ARHGAP32: variants seen among roughly 807,000 people sequenced by gnomAD.
The protein encoded by ARHGAP32 is Rho GTPase activating protein 32, also known as rho GTPase-activating protein 32.
In ARHGAP32, 51 loss-of-function variants were observed where a neutral mutation model predicts 186.5. The observed-to-expected ratio is 0.27, with a 90% CI of 0.22 to 0.35. The LOEUF (loss-of-function observed/expected upper bound fraction) is 0.35, where lower values mean the gene tolerates loss of function less well. Ranked by LOEUF, ARHGAP32 falls within the 10% of genes least tolerant of loss-of-function variation. The pLI is 1.00. For missense variants in ARHGAP32, 2,186 were observed against 2,623.5 expected, an observed-to-expected ratio of 0.83 and a Z score of 3.64; for synonymous variants, 950 against 964.3, an observed-to-expected ratio of 0.99 and a Z score of 0.27.
chr11:129,094,746 C>T (rs1309473490), intron 5 of ARHGAP32, among the ~76,000 whole-genome samples: 1 of 152,180 alleles, frequency 6.6e-6, no homozygotes, highest in African/African-American at 2.4e-5. Context: ...TTATGTTACA[C>T]ACCTGCCCCA....
intron 10 of ARHGAP32, among the ~76,000 whole-genome samples, chr11:129,041,880 C>T (rs2135027025): frequency 6.6e-6 from 1 of 152,326 alleles, no homozygotes; most frequent in South Asian, 2.1e-4. Context: ...TGCCATGCAG[C>T]AGATGTTAAA....
At chr11:129,137,679 T>TA (rs1228962557) in intron 2 of ARHGAP32, among the ~76,000 whole-genome samples, 1 of 152,008 alleles carries the variant, frequency 6.6e-6, no homozygotes, top group Non-Finnish European at 1.5e-5. Context: ...GATACAAATA[T>TA]AAAATCGAAG....
chr11:129,143,522 C>T (rs778009621), intron 2 of ARHGAP32, among the ~76,000 whole-genome samples: 3 of 152,124 alleles, frequency 2.0e-5, no homozygotes, highest in Middle Eastern at 3.2e-3. Flanking sequence ...GTGGACTACC[C>T]GCCGGTGACT....
chr11:129,052,622 T>C (rs1403440400), intron 10 of ARHGAP32, among the ~76,000 whole-genome samples: 2 of 151,992 alleles, frequency 1.3e-5, no homozygotes, highest in East Asian at 3.8e-4. Flanking sequence ...TTTTTTCAGA[T>C]ACAGTCCTAA....
chr11:129,262,101 T>G (rs538705182), intron 1 of ARHGAP32, among the ~76,000 whole-genome samples: 1 of 152,142 alleles, frequency 6.6e-6, no homozygotes, highest in Admixed American at 6.5e-5. Context: ...TATTTACTTA[T>G]GAAAGAATAA....
intron 1 of ARHGAP32, among the ~76,000 whole-genome samples, chr11:129,191,094 G>A (rs960672790): frequency 9.9e-5 from 15 of 152,066 alleles, no homozygotes; most frequent in African/African-American, 3.4e-4. Context: ...AATAAAATTT[G>A]TGGATAAAGA....
In ARHGAP32 at chr11:128,980,753, A is replaced by C; in HGVS notation, c.1781-5T>G. 6.3e-7 allele frequency: 1 copy of C among 1,595,246 alleles called. No homozygotes were observed. The highest frequency in any genetic ancestry group is 1.1e-5 in the South Asian group (1 of 87,678). On this transcript the variant is annotated splice_polypyrimidine_tract_variant and splice_region_variant and intron_variant, in intron 17 of 22. Coordinates refer to ENST00000682385, the MANE Select transcript of ARHGAP32 (RefSeq NM_001378024.1). ...ACTTGGGCCTTGATAGAGAAGCTTCAAAAAGAAAAGGAAGCTGATGAAGAG... is the reference window on the plus strand; with the variant it reads ...ACTTGGGCCTTGATAGAGAAGCTTCCAAAAGAAAAGGAAGCTGATGAAGAG...
chr11:129,187,647 T>C (rs1054934067), intron 1 of ARHGAP32, among the ~76,000 whole-genome samples: 2 of 152,190 alleles, frequency 1.3e-5, no homozygotes, highest in African/African-American at 4.8e-5. Context: ...TATCAAAACA[T>C]CTCATGTACC....
At chr11:129,177,337 C>G (rs1269727604) in intron 1 of ARHGAP32, among the ~76,000 whole-genome samples, 1 of 152,096 alleles carries the variant, frequency 6.6e-6, no homozygotes, top group African/African-American at 2.4e-5. Flanking sequence ...GATGGATTCA[C>G]AGCCGAATTC....
chr11:129,129,969 T>A (rs1173818808), intron 2 of ARHGAP32, among the ~76,000 whole-genome samples: 1 of 152,228 alleles, frequency 6.6e-6, no homozygotes, highest in Non-Finnish European at 1.5e-5. Context: ...CAAGATTTTT[T>A]AAAAATTAAG....
intron 1 of ARHGAP32, among the ~76,000 whole-genome samples, chr11:129,202,398 C>T (rs981228016): frequency 5.3e-5 from 8 of 151,476 alleles, no homozygotes; most frequent in African/African-American, 1.9e-4. Context: ...TAGGATTGAA[C>T]GACTGAAAAA....
At chr11:129,026,376 T>G (rs187145969) in intron 11 of ARHGAP32, among the ~76,000 whole-genome samples, 8 of 152,316 alleles carry the variant, frequency 5.3e-5, no homozygotes, top group African/African-American at 1.9e-4. Flanking sequence ...TCTCTCATAT[T>G]TAACAAAATG....
intron 5 of ARHGAP32, among the ~76,000 whole-genome samples, chr11:129,121,689 T>A (rs746521496): frequency 9.2e-5 from 14 of 152,144 alleles, no homozygotes; most frequent in Admixed American, 7.9e-4. Context: ...TTCTTCTGCC[T>A]GAGTAATGGA....
intron 2 of ARHGAP32, among the ~76,000 whole-genome samples, chr11:129,141,676 T>C (rs185963720): frequency 9.2e-5 from 14 of 151,556 alleles, no homozygotes; most frequent in African/African-American, 3.4e-4. Flanking sequence ...TATGTGTATT[T>C]TATTACAATT....
intron 1 of ARHGAP32, among the ~76,000 whole-genome samples, chr11:129,179,457 G>C (rs1943999151): frequency 1.3e-5 from 2 of 152,114 alleles, no homozygotes; most frequent in South Asian, 4.1e-4. Context: ...TATACCCAAA[G>C]GATTATAAAT....
intron 2 of ARHGAP32, among the ~76,000 whole-genome samples, chr11:129,152,319 G>A (rs1943305104): frequency 6.6e-6 from 1 of 152,074 alleles, no homozygotes. Context: ...AAGAAGAATT[G>A]GTACCAATCT....
intron 1 of ARHGAP32, among the ~76,000 whole-genome samples, chr11:129,277,710 CAT>C (rs1324059899): frequency 2.0e-5 from 3 of 152,182 alleles, no homozygotes; most frequent in African/African-American, 7.2e-5. Context: ...GAAGCATCAC[CAT>C]ATATCCAATT....
chr11:129,262,598 T>G (rs1051242442), intron 1 of ARHGAP32, among the ~76,000 whole-genome samples: 2 of 152,230 alleles, frequency 1.3e-5, no homozygotes, highest in Non-Finnish European at 2.9e-5. Flanking sequence ...GGGTTTCACA[T>G]GTCGGCCAAG....
In ARHGAP32 at chr11:128,996,999, G is replaced by A. The variant is rs968289336; in HGVS notation, c.1195+1320C>T. On this transcript the variant is annotated intron_variant, in intron 12 of 22. Transcript: ENST00000682385. ...TTGCCATGTTGTGTAGGCTGATCTC[G>A]AACTCCTAGGCGCAAGCTATCTGCC... Among the ~76,000 whole-genome samples, 10 of 152,150 alleles carry A rather than the reference G, an allele frequency of 6.6e-5. No homozygotes were observed. The East Asian group carries it at 7.7e-4, about 12-fold the overall frequency.
Sources: allele counts gnomAD v4.1 joint callset (sites outside exome capture counted in the v4.1 genomes callset), GRCh38; gene constraint gnomAD v4.1.1; transcripts MANE v1.5; gene names NCBI Gene and HGNC (gene_info 2026-07-23, HGNC 2026-07-21).